The following ZNF888 variants were observed in gnomAD, a reference collection of about 807,000 sequenced individuals.
ZNF888 encodes the protein CTD-2331H12.6.
In ZNF888, 5 loss-of-function variants were observed where a neutral mutation model predicts 7.2. The ratio of observed to expected loss-of-function variants is 0.70; its 90% CI spans 0.36 to 1.46. The LOEUF (loss-of-function observed/expected upper bound fraction) is 1.46, where lower values mean the gene tolerates loss of function less well. Ranked by LOEUF, ZNF888 falls within the 40% of genes most tolerant of loss-of-function variation. The pLI is 0.03. For synonymous variants in ZNF888, 240 were observed against 284.3 expected (o/e 0.84, Z 1.57); for missense variants, 716 against 858.0 (o/e 0.83, Z 2.07).
chr19:52,912,122 A>ATT lies in ZNF888; in HGVS notation c.142+3072_142+3073dup, dbSNP rs112484109. Among the ~76,000 whole-genome samples the ATT allele has an allele frequency of 4.3e-5, 6 of 138,144 alleles. No individual in the cohort carries two copies. The East Asian group carries it at 6.9e-4, about 16-fold the overall frequency. 90.6% of individuals were successfully genotyped at this position (138,144 alleles called of 152,430 possible). ...GCCACTGTGCCCGGCCTTTATTTTT[A>ATT]TTTTTTTTTGAGACGGAATCTTGCT... On this transcript the variant is annotated intron_variant, in intron 4 of 4. Coordinates refer to ENST00000638862, the MANE Select transcript of ZNF888 (RefSeq NM_001393938.1).
intron 2 of ZNF888, among the ~76,000 whole-genome samples, chr19:52,918,439 G>C (rs146417430): frequency 6.6e-6 from 1 of 152,272 alleles, no homozygotes; most frequent in East Asian, 1.9e-4. Context: ...TTTGAGACCA[G>C]CCTGGCAAAC....
In ZNF888 at chr19:52,919,824, G is replaced by T. The variant is rs2064800655; in HGVS notation, c.-177-887C>A. ...TGCTGGGCCGCAACCCTGTCTGGGA[G>T]GTGAGGAGCGTCTCTGCCCGGCCGC... On this transcript the variant is annotated intron_variant, in intron 1 of 4. Coordinates refer to ENST00000638862, the MANE Select transcript of ZNF888 (RefSeq NM_001393938.1). Among the ~76,000 whole-genome samples, 2 of 56,426 alleles carry T rather than the reference G, an allele frequency of 3.5e-5. 1 individual carries two copies. Among genetic ancestry groups the T allele is most frequent in the Admixed American group, 4.4e-4 (2 of 4,570 alleles). 37.0% of individuals were successfully genotyped at this position (56,426 alleles called of 152,430 possible).
At chr19:52,909,166 T>C (rs989171688) in intron 4 of ZNF888, among the ~76,000 whole-genome samples, 5 of 151,708 alleles carry the variant, frequency 3.3e-5, no homozygotes, top group Non-Finnish European at 5.9e-5. Context: ...AAAATGTTAA[T>C]ACCATATTTT....
rs947058915 is a variant in ZNF888 at position 52,905,854 on chromosome 19, G to T, written c.*311C>A. The T allele has an allele frequency of 1.6e-5, 12 of 732,986 alleles. No individual in the cohort carries two copies. The highest frequency in any genetic ancestry group is 3.0e-5 in the Non-Finnish European group (12 of 401,934). 45.4% of individuals were successfully genotyped at this position (732,986 alleles called of 1,614,324 possible). On this transcript the variant is annotated 3_prime_UTR_variant, in exon 5 of 5. Coordinates refer to ENST00000638862, the MANE Select transcript of ZNF888 (RefSeq NM_001393938.1). ...ATTTGTAAGATTTCTGTCCAGTATG[G>T]ATTCTTTGATGTCTAATGAGGTGTG...
At chr19:52,908,463 A>C (rs774503279) in intron 4 of ZNF888, among the ~76,000 whole-genome samples, 1 of 152,250 alleles carries the variant, frequency 6.6e-6, no homozygotes, top group African/African-American at 2.4e-5. Context: ...TTGTGACCTT[A>C]AAGTGTGTCA....
At chr19:52,914,254 G>C in intron 4 of ZNF888, 1 of 653,420 alleles carries the variant, frequency 1.5e-6, no homozygotes, top group Non-Finnish European at 1.9e-6. Context: ...ACTATTTGAA[G>C]GTGGAGCTTC....
In ZNF888 at chr19:52,907,994, C is replaced by T; in HGVS notation, c.328G>A (p.Ala110Thr). 9 of 1,614,106 alleles carry T rather than the reference C, an allele frequency of 5.6e-6. No individual in the cohort carries two copies. The highest frequency in any genetic ancestry group is 6.8e-6 in the Non-Finnish European group (8 of 1,180,000). ...AACTCTTTGATTTCTGTCATGGGTGCTTCATGGCCATTTGTTTCATCTTCT... is the reference window on the plus strand; with the variant it reads ...AACTCTTTGATTTCTGTCATGGGTGTTTCATGGCCATTTGTTTCATCTTCT... The part of the protein sequence containing the change: ...WQEDETNGHE[A>T]PMTEIKELTG... The change falls in exon 5 of 5, where the codon GCA becomes ACA. Residue 110 changes from alanine to threonine, a missense_variant. This residue lies in a region of ZNF888 where 697 missense variants were observed against 803.4 expected (regional missense o/e 0.87). Transcript: ENST00000638862.
chr19:52,906,980 T>C lies in ZNF888; in HGVS notation c.1342A>G (p.Asn448Asp), dbSNP rs2064617211. Residue 448 changes from asparagine (N) to aspartate (D), a missense_variant, in exon 5 of 5, where the codon AAT (asparagine) becomes GAT (aspartate). Around this residue, in one of 2 missense-constraint regions of ZNF888, gnomAD observed 697 missense variants for 803.4 expected, o/e 0.87. Transcript: ENST00000638862. ...YKCNECGKVFNQQSNLARHHR... is the reference protein window; with the variant it reads ...YKCNECGKVFDQQSNLARHHR... ...TGACGTGCAAGGTTTGATTGTTGAT[T>C]GAAAACCTTGCCACATTCATTACAC... 1 of 1,612,886 alleles carries C rather than the reference T, an allele frequency of 6.2e-7. No homozygotes were observed. Among genetic ancestry groups the C allele is most frequent in the African/African-American group, 1.3e-5 (1 of 74,678 alleles).
chr19:52,922,316 TGGCC>T (rs2064830886), intron 1 of ZNF888, among the ~76,000 whole-genome samples: 4 of 152,002 alleles, frequency 2.6e-5, no homozygotes, highest in Non-Finnish European at 2.9e-5. Flanking sequence ...TATACCCCCC[TGGCC>T]CCACTCTCTG....
chr19:52,914,151 T>C (rs1295866176), intron 4 of ZNF888: 1 of 158,474 alleles, frequency 6.3e-6, no homozygotes, highest in Non-Finnish European at 1.4e-5. Context: ...GAGAGATAAG[T>C]GAGGGCAAAG....
rs867138933 is a variant in ZNF888, at chr19:52,923,413, G to C, written c.-222C>G. 27 of 985,292 alleles carry C rather than the reference G, an allele frequency of 2.7e-5. No individual in the cohort carries two copies. Among genetic ancestry groups the C allele is most frequent in the African/African-American group, 2.1e-4 (12 of 56,808 alleles). 61.0% of individuals were successfully genotyped at this position (985,292 alleles called of 1,614,324 possible). A position where few individuals can be genotyped will look rare whatever the true frequency, so the allele number is the denominator to read the frequency against. On this transcript the variant is annotated 5_prime_UTR_variant, in exon 1 of 5. Transcript: ENST00000638862. Reference sequence around the variant, plus strand: ...GTCCACGCGATCCGCTTCCTGGTCCGGGCGAATCTACAAGCACAGGACAGA... The same window carrying C: ...GTCCACGCGATCCGCTTCCTGGTCCCGGCGAATCTACAAGCACAGGACAGA...
intron 4 of ZNF888, among the ~76,000 whole-genome samples, chr19:52,908,419 CAT>C (rs558160503): frequency 1.7e-4 from 26 of 152,248 alleles, no homozygotes; most frequent in Admixed American, 9.8e-4. Flanking sequence ...AGGGCACAAA[CAT>C]GTGTAAGCCT....
chr19:52,910,662 A>G (rs921335321), intron 4 of ZNF888, among the ~76,000 whole-genome samples: 1 of 152,100 alleles, frequency 6.6e-6, no homozygotes, highest in African/African-American at 2.4e-5. Context: ...CCATGTTAGG[A>G]CATGGCAGGA....
Position 52,906,501 on chromosome 19 carries a change from T to C in ZNF888, c.1821A>G (p.Lys607=), listed in dbSNP as rs984696226. ...TGAAAACTTTGTCACATTCTTCACA[T>C]TTGTAAGGTTTCTCTCCAGTATGAA... is the stretch of plus-strand genomic sequence containing the variant. The part of the protein sequence containing the change: ...HRLHTGEKPY[K]CEECDKVFNI... Residue 607 remains lysine (K), a synonymous_variant, in exon 5 of 5, where the codon AAA becomes AAG. Coordinates refer to ENST00000638862, the MANE Select transcript of ZNF888 (RefSeq NM_001393938.1). 10 of 1,613,506 alleles carry C rather than the reference T, an allele frequency of 6.2e-6. No homozygotes were observed. In the Admixed American group the frequency reaches 1.5e-4, roughly 24 times the overall value.
chr19:52,906,141 G>A lies in ZNF888; in HGVS notation c.*24C>T, dbSNP rs913100585. On this transcript the variant is annotated 3_prime_UTR_variant, in exon 5 of 5. Transcript: ENST00000638862. ...GATTTGCAATGGTTGTAGCGTTACTGAAGACTTGGTGACAATCATTACATT... is the reference window on the plus strand; with the variant it reads ...GATTTGCAATGGTTGTAGCGTTACTAAAGACTTGGTGACAATCATTACATT... 2.5e-6 allele frequency: 4 copies of A among 1,612,650 alleles called. No homozygotes were observed. Among genetic ancestry groups the A allele is most frequent in the Non-Finnish European group, 3.4e-6 (4 of 1,179,162 alleles).
chr19:52,922,943 G>A (rs1466768774), intron 1 of ZNF888, among the ~76,000 whole-genome samples: 2 of 152,076 alleles, frequency 1.3e-5, no homozygotes, highest in Non-Finnish European at 2.9e-5. Context: ...TCGGACAAGG[G>A]TGGGGTCCGC....
rs749593929 is a variant in ZNF888, at chr19:52,908,184, A to G, written c.143-5T>C. On this transcript the variant is annotated splice_polypyrimidine_tract_variant and splice_region_variant and intron_variant, in intron 4 of 4. Transcript: ENST00000638862. Reference sequence around the variant, plus strand: ...TCATGCATTTGGAAGAGATATCTACAAAATATAAACGCCAATAGTTTTCCA... The same window carrying G: ...TCATGCATTTGGAAGAGATATCTACGAAATATAAACGCCAATAGTTTTCCA... The G allele has an allele frequency of 7.4e-6, 12 of 1,613,430 alleles. No individual in the cohort carries two copies. The Admixed American group carries it at 2.0e-4, about 27-fold the overall frequency.
chr19:52,915,108 A>G, intron 4 of ZNF888, 88 bp downstream of exon 4: 1 of 1,522,550 alleles, frequency 6.6e-7, no homozygotes, highest in Non-Finnish European at 8.8e-7. Context: ...CTTCCATTTT[A>G]GTCAAGCAAG....
At chr19:52,910,149 CAAAAAAAAAAAAAAA>C (rs71335690) in intron 4 of ZNF888, among the ~76,000 whole-genome samples, 143 of 83,942 alleles carry the variant, frequency 1.7e-3, no homozygotes, top group Non-Finnish European at 3.1e-3. Context: ...GACTTCGTCT[CAAAAAAAAAAAAAAA>C]AAAAAAAAAA....
Sources: allele counts gnomAD v4.1 joint callset (sites outside exome capture counted in the v4.1 genomes callset), GRCh38; gene constraint gnomAD v4.1.1; regional missense constraint gnomAD v4.1.1; transcripts MANE v1.5; gene names NCBI Gene and HGNC (gene_info 2026-07-23, HGNC 2026-07-21).